Variants in EIF3A observed in about 807,000 individuals in gnomAD.
The protein encoded by EIF3A is eukaryotic translation initiation factor 3 subunit A, also known as EIF3, p180 subunit.
Under a neutral mutation model 186.6 loss-of-function variants are expected in EIF3A, and 21 were observed. That is an observed-to-expected ratio of 0.11 (90% CI 0.08 to 0.16). The LOEUF is 0.16. Ranked by LOEUF, EIF3A falls within the 10% of genes least tolerant of loss-of-function variation. The pLI, the probability that EIF3A is intolerant of heterozygous loss-of-function variation, is 1.00. For synonymous variants in EIF3A, 563 were observed against 584.3 expected (o/e 0.96, Z 0.52); for missense variants, 1,306 against 1,796.3 (o/e 0.73, Z 4.93).
At chr10:119,058,673 A>G (rs1032430197) in intron 11 of EIF3A, among the ~76,000 whole-genome samples, 3 of 152,248 alleles carry the variant, frequency 2.0e-5, no homozygotes, top group African/African-American at 7.2e-5. Flanking sequence ...ACTTGAGGCC[A>G]GGACTTTGAG....
intron 1 of EIF3A, among the ~76,000 whole-genome samples, chr10:119,077,330 A>G (rs544741477): frequency 2.0e-5 from 3 of 152,034 alleles, no homozygotes; most frequent in Admixed American, 2.0e-4. Context: ...ACACACCTGT[A>G]ATCCCAGCTA....
chr10:119,061,162 A>AC (rs1843878737), intron 8 of EIF3A, 62 bp downstream of exon 8: 2 of 905,042 alleles, frequency 2.2e-6, no homozygotes, highest in South Asian at 3.2e-5. Context: ...TATGAATACA[A>AC]CCCAAAACTG....
chr10:119,055,210 A>G (rs1459273483), intron 14 of EIF3A, among the ~76,000 whole-genome samples: 1 of 152,356 alleles, frequency 6.6e-6, no homozygotes, highest in South Asian at 2.1e-4. Flanking sequence ...ACTCTGTCTC[A>G]AATAAATATA....
Position 119,080,798 on chromosome 10 carries a change from G to A in EIF3A, c.-122C>T, listed in dbSNP as rs777181339. ...CCTCGCCAGCAGTCGCCCGCGCCCA[G>A]CCGGCCAGAGACGGAAAGGAAGGAG... is the stretch of plus-strand genomic sequence containing the variant. On this transcript the variant is annotated 5_prime_UTR_variant, in exon 1 of 22. Coordinates refer to ENST00000369144, the MANE Select transcript of EIF3A (RefSeq NM_003750.4). The A allele has an allele frequency of 3.1e-5, 44 of 1,431,508 alleles. No individual in the cohort carries two copies. The highest frequency in any genetic ancestry group is 3.9e-5 in the Non-Finnish European group (43 of 1,088,962). The allele number at this position is 1,431,508 out of a possible 1,614,324, so 88.7% of individuals were successfully genotyped here.
At position 119,034,539 on chromosome 10, in the gene EIF3A, G is replaced by C. The variant is rs1848101437; in HGVS notation, c.*1500C>G. On this transcript the variant is annotated 3_prime_UTR_variant, in exon 22 of 22. Coordinates refer to ENST00000369144, the MANE Select transcript of EIF3A (RefSeq NM_003750.4). ...GACCTTTAAAGACTTCTACGTATTTGAAATACCAGATACTAAGGTGTTTAA... is the reference window on the plus strand; with the variant it reads ...GACCTTTAAAGACTTCTACGTATTTCAAATACCAGATACTAAGGTGTTTAA... 6.6e-6 allele frequency: 1 copy of C among 152,132 alleles called. No homozygotes were observed. Among genetic ancestry groups the C allele is most frequent in the African/African-American group, 2.4e-5 (1 of 41,424 alleles). 9.4% of individuals were successfully genotyped at this position (152,132 alleles called of 1,614,324 possible). A position where few individuals can be genotyped will look rare whatever the true frequency, so the allele number is the denominator to read the frequency against.
At chr10:119,075,879 ATTTTTT>A (rs58100835) in intron 1 of EIF3A, among the ~76,000 whole-genome samples, 1 of 94,072 alleles carries the variant, frequency 1.1e-5, no homozygotes, top group African/African-American at 4.1e-5. Context: ...CGCCTGGCTA[ATTTTTT>A]TTTTTTTTTT....
At chr10:119,070,036 C>G (rs542585415) in intron 5 of EIF3A, among the ~76,000 whole-genome samples, 1 of 152,006 alleles carries the variant, frequency 6.6e-6, no homozygotes, top group South Asian at 2.1e-4. Context: ...CTATAATGGG[C>G]ATGTTTACTT....
intron 14 of EIF3A, among the ~76,000 whole-genome samples, chr10:119,052,099 T>C (rs1848364079): frequency 6.6e-6 from 1 of 152,212 alleles, no homozygotes; most frequent in African/African-American, 2.4e-5. Flanking sequence ...TCATCTAGCA[T>C]GTGGCACTGG....
Position 119,061,335 on chromosome 10 carries a change from TA to T in EIF3A, c.1123-8del. 7.4e-7 allele frequency: 1 copy of T among 1,353,870 alleles called. No homozygotes were observed. Among genetic ancestry groups the T allele is most frequent in the Non-Finnish European group, 1.0e-6 (1 of 977,476 alleles). The allele number at this position is 1,353,870 out of a possible 1,614,324, so 83.9% of individuals were successfully genotyped here. A position where few individuals can be genotyped will look rare whatever the true frequency, so the allele number is the denominator to read the frequency against. Reference sequence around the variant, plus strand: ...GTAGTACATTAAATCTGACCTACAGTAAGCAAAACAAAAGATGTAACTGCCA... The same window carrying T: ...GTAGTACATTAAATCTGACCTACAGTAGCAAAACAAAAGATGTAACTGCCA... On this transcript the variant is annotated splice_polypyrimidine_tract_variant and splice_region_variant and intron_variant, in intron 7 of 21. Transcript: ENST00000369144.
At chr10:119,051,354 A>C in intron 14 of EIF3A, 33 bp from the exon 15 acceptor site, 2 of 1,536,286 alleles carry the variant, frequency 1.3e-6, no homozygotes, top group African/African-American at 1.4e-5. Context: ...ATTTCAATGC[A>C]CTTTTTTTTT....
At chr10:119,078,376 G>C (rs1250545856) in intron 1 of EIF3A, among the ~76,000 whole-genome samples, 1 of 138,320 alleles carries the variant, frequency 7.2e-6, no homozygotes, top group African/African-American at 2.5e-5. Flanking sequence ...TGACCTGAAC[G>C]ACTATTCTAC....
chr10:119,066,407 G>A (rs1843979027), intron 6 of EIF3A, among the ~76,000 whole-genome samples: 1 of 147,706 alleles, frequency 6.8e-6, no homozygotes, highest in South Asian at 2.2e-4. Context: ...TACTCAGGAA[G>A]CTGAGGCAGG....
intron 1 of EIF3A, among the ~76,000 whole-genome samples, chr10:119,077,192 C>T (rs770412259): frequency 2.0e-5 from 3 of 152,050 alleles, no homozygotes; most frequent in African/African-American, 4.8e-5. Context: ...TAGCCAGGCG[C>T]GGTGGCTCAC....
At chr10:119,041,839 C>T (rs1848212471) in intron 19 of EIF3A, among the ~76,000 whole-genome samples, 155 bp downstream of exon 19, 1 of 152,164 alleles carries the variant, frequency 6.6e-6, no homozygotes, top group South Asian at 2.1e-4. Flanking sequence ...ATTCTGAAGG[C>T]AAACTTTTGA....
intron 9 of EIF3A, 28 bp from the exon 10 acceptor site, chr10:119,059,746 A>C (rs761985729): frequency 7.0e-7 from 1 of 1,419,466 alleles, no homozygotes; most frequent in East Asian, 2.3e-5. Flanking sequence ...GGTTAATAAC[A>C]CTAGCCACTG....
At chr10:119,078,828 T>G (rs1370213383) in intron 1 of EIF3A, among the ~76,000 whole-genome samples, 1 of 152,146 alleles carries the variant, frequency 6.6e-6, no homozygotes, top group Non-Finnish European at 1.5e-5. Flanking sequence ...ACATTACATA[T>G]CTTTTCTATA....
At chr10:119,054,905 TA>T (rs1589689862) in intron 14 of EIF3A, among the ~76,000 whole-genome samples, 1 of 152,204 alleles carries the variant, frequency 6.6e-6, no homozygotes, top group East Asian at 1.9e-4. Context: ...TTAATTAGCC[TA>T]ATTTCAATAT....
intron 19 of EIF3A, among the ~76,000 whole-genome samples, chr10:119,041,373 G>C (rs1848206978): frequency 6.6e-6 from 1 of 152,088 alleles, no homozygotes; most frequent in South Asian, 2.1e-4. Flanking sequence ...AGGAGTTTGA[G>C]ACCAGCCTGG....
At chr10:119,066,533 A>C (rs1348455423) in intron 6 of EIF3A, among the ~76,000 whole-genome samples, 1 of 149,566 alleles carries the variant, frequency 6.7e-6, no homozygotes, top group Admixed American at 6.7e-5. Context: ...AAAAAAAAAA[A>C]AAAAAACCTA....
Sources: allele counts gnomAD v4.1 joint callset (sites outside exome capture counted in the v4.1 genomes callset), GRCh38; gene constraint gnomAD v4.1.1; transcripts MANE v1.5; gene names NCBI Gene and HGNC (gene_info 2026-07-23, HGNC 2026-07-21).